Variants in RBFOX1 observed in about 807,000 individuals in gnomAD.
The protein encoded by RBFOX1 is RNA binding fox-1 homolog 1.
Under a neutral mutation model 57.7 loss-of-function variants are expected in RBFOX1, and 8 were observed. The observed-to-expected ratio is 0.14, with a 90% CI of 0.08 to 0.25. The LOEUF (loss-of-function observed/expected upper bound fraction) is 0.25, where lower values mean the gene tolerates loss of function less well. Ranked by LOEUF, RBFOX1 falls within the 10% of genes least tolerant of loss-of-function variation. The pLI, the probability that RBFOX1 is intolerant of heterozygous loss-of-function variation, is 1.00. For synonymous variants in RBFOX1, 326 were observed against 222.4 expected (o/e 1.47, Z -4.15); for missense variants, 611 against 548.5 (o/e 1.11, Z -1.14).
chr16:6,123,585 G>A (rs984038327), intron 1 of RBFOX1, among the ~76,000 whole-genome samples: 1 of 152,158 alleles, frequency 6.6e-6, no homozygotes, highest in Non-Finnish European at 1.5e-5. Flanking sequence ...TAGCAGCGAT[G>A]GTTGTATAAC....
chr16:7,118,775 T>C (rs1347256304), intron 4 of RBFOX1, among the ~76,000 whole-genome samples: 2 of 152,048 alleles, frequency 1.3e-5, no homozygotes, highest in Non-Finnish European at 2.9e-5. Flanking sequence ...TTGGTAAAAT[T>C]GTACACATAA....
At chr16:7,599,977 C>T (rs139990588) in intron 9 of RBFOX1, among the ~76,000 whole-genome samples, 1 of 152,160 alleles carries the variant, frequency 6.6e-6, no homozygotes, top group African/African-American at 2.4e-5. Context: ...AATCTTGTGA[C>T]CATGCCTGTG....
chr16:7,239,188 T>C (rs976906149), intron 4 of RBFOX1, among the ~76,000 whole-genome samples: 1 of 152,102 alleles, frequency 6.6e-6, no homozygotes, highest in Non-Finnish European at 1.5e-5. Context: ...ACTTCTACCA[T>C]TGATGTAGGT....
intron 4 of RBFOX1, among the ~76,000 whole-genome samples, chr16:7,215,659 C>T (rs2091911547): frequency 6.6e-6 from 1 of 152,038 alleles, no homozygotes; most frequent in African/African-American, 2.4e-5. Context: ...GCATTTCTTC[C>T]CCCAGTTCCC....
intron 3 of RBFOX1, among the ~76,000 whole-genome samples, chr16:6,966,061 C>T (rs1555689072): frequency 6.6e-6 from 1 of 152,062 alleles, no homozygotes; most frequent in South Asian, 2.1e-4. Context: ...AGAACCTGGA[C>T]TTTGAAGGTA....
chr16:6,209,521 C>T (rs1023687885), intron 1 of RBFOX1, among the ~76,000 whole-genome samples: 1 of 152,226 alleles, frequency 6.6e-6, no homozygotes, highest in Non-Finnish European at 1.5e-5. Flanking sequence ...GCCAAGCAGG[C>T]AATTTGCAGA....
chr16:5,255,496 C>G (rs2062570383), intron 1 of RBFOX1, among the ~76,000 whole-genome samples: 1 of 151,860 alleles, frequency 6.6e-6, no homozygotes, highest in South Asian at 2.1e-4. Context: ...ACCTACCAAA[C>G]CATCTATCCA....
chr16:6,575,647 C>T (rs2097422676), intron 2 of RBFOX1, among the ~76,000 whole-genome samples: 2 of 152,050 alleles, frequency 1.3e-5, no homozygotes, highest in Admixed American at 6.5e-5. Context: ...CACCTGAGGT[C>T]AGGAATTTGA....
rs145933406 is a variant in RBFOX1, at chr16:6,658,905, GTTTTTTGT to G, written c.-16+4269_-16+4276del. ...CCTTTAATAGGAAGCAGGAGCACAG[GTTTTTTGT>G]TTTTTTGTTTTTTGGTTTTTTTGTT... is the stretch of plus-strand genomic sequence containing the variant. On this transcript the variant is annotated intron_variant, in intron 3 of 15. Transcript: ENST00000550418. 1.7e-4 allele frequency among the ~76,000 whole-genome samples: 20 copies of G among 114,346 alleles called. No homozygotes were observed. The East Asian group carries it at 4.2e-3, about 24-fold the overall frequency. 75.0% of individuals were successfully genotyped at this position (114,346 alleles called of 152,430 possible). A position where few individuals can be genotyped will look rare whatever the true frequency, so the allele number is the denominator to read the frequency against.
chr16:6,119,880 C>G (rs1242703866), intron 1 of RBFOX1, among the ~76,000 whole-genome samples: 2 of 152,186 alleles, frequency 1.3e-5, no homozygotes, highest in African/African-American at 4.8e-5. Context: ...CTATCCAGTT[C>G]TAAGACATTT....
At position 5,916,588 on chromosome 16, in the gene RBFOX1, G is replaced by A. The variant is rs150203667; in HGVS notation, c.351+49253G>A. On this transcript the variant is annotated intron_variant, in intron 4 of 19. Coordinates refer to the RBFOX1 transcript ENST00000641259. ...ATTAGGAGGTGCTGGGTCCTCCACTGCTTCCCAGCTTTGGAACTAATTTCA... is the reference window on the plus strand; with the variant it reads ...ATTAGGAGGTGCTGGGTCCTCCACTACTTCCCAGCTTTGGAACTAATTTCA... Among the ~76,000 whole-genome samples the A allele has an allele frequency of 5.2e-3, 793 of 152,128 alleles. 27 individuals carry two copies. The highest frequency in any genetic ancestry group is 0.047 in the Admixed American group (719 of 15,284).
intron 3 of RBFOX1, among the ~76,000 whole-genome samples, chr16:7,044,340 C>A (rs2047181166): frequency 6.6e-6 from 1 of 152,118 alleles, no homozygotes; most frequent in South Asian, 2.1e-4. Context: ...AGAGAAAAAT[C>A]AGACTGAAAA....
At chr16:6,648,278 C>T (rs1356957677) in intron 2 of RBFOX1, among the ~76,000 whole-genome samples, 1 of 151,874 alleles carries the variant, frequency 6.6e-6, no homozygotes, top group Non-Finnish European at 1.5e-5. Context: ...CCAGGCTGGT[C>T]TTCAACTCCT....
chr16:7,438,510 G>A (rs1488558909), intron 4 of RBFOX1, among the ~76,000 whole-genome samples: 2 of 152,158 alleles, frequency 1.3e-5, no homozygotes, highest in Admixed American at 6.5e-5. Flanking sequence ...AACATCCACG[G>A]ACTCCAGCCT....
intron 2 of RBFOX1, among the ~76,000 whole-genome samples, chr16:6,650,842 T>A (rs1345490118): frequency 1.3e-5 from 2 of 152,130 alleles, no homozygotes; most frequent in Admixed American, 1.3e-4. Context: ...GGTGAGAAAA[T>A]CAACATTTCT....
At chr16:5,246,432 T>A (rs2062301954) in intron 1 of RBFOX1, among the ~76,000 whole-genome samples, 1 of 152,144 alleles carries the variant, frequency 6.6e-6, no homozygotes, top group South Asian at 2.1e-4. Context: ...AAATAACATA[T>A]CACCTCCTCG....
intron 3 of RBFOX1, among the ~76,000 whole-genome samples, chr16:5,783,683 G>A (rs143372123): frequency 6.6e-6 from 1 of 152,262 alleles, no homozygotes; most frequent in African/African-American, 2.4e-5. Context: ...TGTTTCCATG[G>A]AATGACTTTA....
intron 1 of RBFOX1, among the ~76,000 whole-genome samples, chr16:5,437,637 C>G (rs1439263612): frequency 2.6e-5 from 4 of 151,982 alleles, no homozygotes. Flanking sequence ...AGATATTAAC[C>G]AAAATTAAGA....
At chr16:5,903,930 G>A (rs945224717) in intron 4 of RBFOX1, among the ~76,000 whole-genome samples, 7 of 152,168 alleles carry the variant, frequency 4.6e-5, no homozygotes, top group Non-Finnish European at 7.3e-5. Flanking sequence ...GAGGGAAGCT[G>A]GTGGAGGCAC....
Sources: allele counts gnomAD v4.1 joint callset (sites outside exome capture counted in the v4.1 genomes callset), GRCh38; gene constraint gnomAD v4.1.1; transcripts MANE v1.5; gene names NCBI Gene and HGNC (gene_info 2026-07-23, HGNC 2026-07-21).